Variants in LIPG observed in about 807,000 individuals in gnomAD.
The protein encoded by LIPG is endothelial lipase.
LIPG carries 34 observed loss-of-function variants against 51.8 expected under a neutral mutation model. The ratio of observed to expected loss-of-function variants is 0.66; its 90% confidence interval spans 0.50 to 0.87. LIPG has a LOEUF of 0.87. Ranked by LOEUF, LIPG falls within the 40% of genes least tolerant of loss-of-function variation. The pLI is 0.00. For synonymous variants in LIPG, 246 were observed against 246.1 expected, an observed-to-expected ratio of 1.00 and a Z score of 0.00; for missense variants, 580 against 652.7, an observed-to-expected ratio of 0.89 and a Z score of 1.21.
chr18:49,579,739 CCTTT>C lies in LIPG; in HGVS notation c.794-1670_794-1667del, dbSNP rs1218291080. 1.1e-3 allele frequency among the ~76,000 whole-genome samples: 158 copies of C among 144,358 alleles called. 3 individuals are homozygous for C. Among genetic ancestry groups the C allele is most frequent in the African/African-American group, 3.9e-3 (143 of 36,438 alleles). The allele number at this position is 144,358 out of a possible 152,430, so 94.7% of individuals were successfully genotyped here. The stretch of plus-strand genomic sequence containing the variant: ...CCCTCCTCAGAATATAGGATGATGG[CCTTT>C]CTTTCCTTTCCTTTCCTTTCCTTTC... On this transcript the variant is annotated intron_variant, in intron 5 of 9. Coordinates refer to ENST00000261292, the MANE Select transcript of LIPG (RefSeq NM_006033.4).
intron 4 of LIPG, 117 bp downstream of exon 4, chr18:49,569,665 T>C: frequency 1.1e-6 from 1 of 874,894 alleles, no homozygotes; most frequent in African/African-American, 1.7e-5. Flanking sequence ...CTGGAAAGCA[T>C]CTAATTCAAA....
At chr18:49,579,503 G>A (rs2084790886) in intron 5 of LIPG, among the ~76,000 whole-genome samples, 1 of 151,890 alleles carries the variant, frequency 6.6e-6, no homozygotes, top group African/African-American at 2.4e-5. Context: ...TGCTAAAACT[G>A]AGGTGTAGGG....
chr18:49,567,369 A>T, intron 2 of LIPG, 73 bp from the exon 3 acceptor site: 1 of 1,477,304 alleles, frequency 6.8e-7, no homozygotes, highest in Non-Finnish European at 9.3e-7. Context: ...AGAGGGTCAT[A>T]TAGAAAGGAA....
rs1357408655 is a variant in LIPG at position 49,596,053 on chromosome 18, G to A, written c.*5531G>A. The A allele has an allele frequency of 5.3e-5, 8 of 152,036 alleles. No individual in the cohort carries two copies. Among genetic ancestry groups the A allele is most frequent in the African/African-American group, 1.4e-4 (6 of 41,390 alleles). The allele number at this position is 152,036 out of a possible 1,614,324, so 9.4% of individuals were successfully genotyped here. ...GTACTATGCTTATTACCTGAGTGAC[G>A]AAATAATCTGTACAGCAAACTCCTG... is the stretch of plus-strand genomic sequence containing the variant. On this transcript the variant is annotated 3_prime_UTR_variant, in exon 10 of 10. Transcript: ENST00000261292.
Position 49,583,654 on chromosome 18 carries a change from C to T in LIPG, c.1256C>T (p.Ala419Val). 6.2e-7 allele frequency: 1 copy of T among 1,614,158 alleles called. No individual in the cohort carries two copies. Among genetic ancestry groups the T allele is most frequent in the Non-Finnish European group, 8.5e-7 (1 of 1,180,038 alleles). ...LLKIQLTWEG[A>V]SQSWYNLWKE... ...AAGATCCAGCTCACCTGGGAGGGGGCCTCTCAGTCTTGGTACAACCTGTGG... is the reference window on the plus strand; with the variant it reads ...AAGATCCAGCTCACCTGGGAGGGGGTCTCTCAGTCTTGGTACAACCTGTGG... The change falls in exon 8 of 10, where the codon GCC becomes GTC. Residue 419 changes from alanine (A) to valine (V), a missense_variant. Coordinates refer to ENST00000261292, the MANE Select transcript of LIPG (RefSeq NM_006033.4).
chr18:49,589,532 G>C (rs1463191410), intron 9 of LIPG: 2 of 152,394 alleles, frequency 1.3e-5, no homozygotes, highest in Non-Finnish European at 2.9e-5. Context: ...CATGATCACA[G>C]CTCATTGCAG....
chr18:49,590,472 A>G (rs2143984485), intron 9 of LIPG, 29 bp from the exon 10 acceptor site: 3 of 1,595,380 alleles, frequency 1.9e-6, no homozygotes, highest in South Asian at 2.3e-5. Flanking sequence ...GTGAGCTAAC[A>G]AATGCCACTC....
intron 4 of LIPG, among the ~76,000 whole-genome samples, chr18:49,574,674 G>C (rs1414043023): frequency 1.3e-5 from 2 of 152,084 alleles, no homozygotes; most frequent in African/African-American, 4.8e-5. Context: ...TCAAATATGA[G>C]AACCAGTGCT....
Position 49,569,472 on chromosome 18 carries a change from G to C in LIPG, c.495G>C (p.Leu165Phe), listed in dbSNP as rs2084640660. 6.2e-7 allele frequency: 1 copy of C among 1,614,100 alleles called. No homozygotes were observed. Among genetic ancestry groups the C allele is most frequent in the Non-Finnish European group, 8.5e-7 (1 of 1,180,052 alleles). The change falls in exon 4 of 10, where the codon TTG (leucine) becomes TTC (phenylalanine). Residue 165 changes from leucine to phenylalanine, a missense_variant. Transcript: ENST00000261292. ...KDDFSLGNVHLIGYSLGAHVA... is the reference protein window; with the variant it reads ...KDDFSLGNVHFIGYSLGAHVA... ...ATTTTTCTCTCGGGAATGTCCACTTGATCGGCTACAGCCTCGGAGCGCACG... is the reference window on the plus strand; with the variant it reads ...ATTTTTCTCTCGGGAATGTCCACTTCATCGGCTACAGCCTCGGAGCGCACG...
At chr18:49,573,681 C>T (rs1281538031) in intron 4 of LIPG, among the ~76,000 whole-genome samples, 2 of 152,136 alleles carry the variant, frequency 1.3e-5, no homozygotes, top group African/African-American at 2.4e-5. Flanking sequence ...GCAAGTTGAC[C>T]GTCCACTCTA....
chr18:49,587,568 CAA>C (rs34734805), intron 9 of LIPG, among the ~76,000 whole-genome samples: 7 of 42,308 alleles, frequency 1.7e-4, no homozygotes, highest in South Asian at 1.5e-3. Context: ...GACTCCGTCT[CAA>C]AAAAAAAAAA....
At position 49,575,527 on chromosome 18, in the gene LIPG, A is replaced by C; in HGVS notation, c.730A>C (p.Asn244His). Residue 244 changes from asparagine (N) to histidine (H), a missense_variant, in exon 5 of 10, where the codon AAT becomes CAT. Coordinates refer to ENST00000261292, the MANE Select transcript of LIPG (RefSeq NM_006033.4). Reference protein sequence around the residue: ...MPVGHIDIYPNGGDFQPGCGL... With the variant: ...MPVGHIDIYPHGGDFQPGCGL... ...TGTGGGCCACATTGACATCTACCCC[A>C]ATGGGGGTGACTTCCAGCCAGGCTG... 1 of 1,614,186 alleles carries C rather than the reference A, an allele frequency of 6.2e-7. No individual in the cohort carries two copies. The highest frequency in any genetic ancestry group is 8.5e-7 in the Non-Finnish European group (1 of 1,180,026).
intron 5 of LIPG, among the ~76,000 whole-genome samples, chr18:49,578,344 G>A (rs1398063006): frequency 1.5e-5 from 2 of 137,280 alleles, no homozygotes; most frequent in East Asian, 2.2e-4. Context: ...CCTCCCAGAC[G>A]GGGTCTCGGC....
chr18:49,561,937 G>C (rs778727877), upstream of LIPG: 156 of 1,335,474 alleles, frequency 1.2e-4, no homozygotes, highest in Non-Finnish European at 1.4e-4. Flanking sequence ...TCTCGGTTCC[G>C]GCGTCAGCAA....
Position 49,567,563 on chromosome 18 carries a change from C to A in LIPG, c.401C>A (p.Ala134Glu). ...LPLAHQLYTD[A>E]VNNTRVVGHS... Reference sequence around the variant, plus strand: ...CTGGCCCACCAGCTTTACACGGATGCGGTCAATAATACCAGGGTGGTGGGA... The same window carrying A: ...CTGGCCCACCAGCTTTACACGGATGAGGTCAATAATACCAGGGTGGTGGGA... Residue 134 changes from alanine (A) to glutamate (E), a missense_variant, in exon 3 of 10, where the codon GCG becomes GAG. Coordinates refer to ENST00000261292, the MANE Select transcript of LIPG (RefSeq NM_006033.4). The A allele has an allele frequency of 6.2e-7, 1 of 1,614,092 alleles. No homozygotes were observed. The highest frequency in any genetic ancestry group is 8.5e-7 in the Non-Finnish European group (1 of 1,180,020).
chr18:49,575,672 G>C (rs1001174069), intron 5 of LIPG, 82 bp downstream of exon 5: 6 of 1,101,084 alleles, frequency 5.4e-6, no homozygotes, highest in Non-Finnish European at 6.7e-6. Flanking sequence ...TAGCACTGCA[G>C]GCACTATTTA....
rs181205798 is a variant in LIPG, at chr18:49,594,863, G to A, written c.*4341G>A. ...AGTTCTTAACTTGGTTCAGATGTCA[G>A]AGGAAAGCAGAAAATGGTGTCTCTG... On this transcript the variant is annotated 3_prime_UTR_variant, in exon 10 of 10. Transcript: ENST00000261292. 1 of 152,354 alleles carries A rather than the reference G, an allele frequency of 6.6e-6. No homozygotes were observed. The highest frequency in any genetic ancestry group is 1.9e-4 in the East Asian group (1 of 5,190). The allele number at this position is 152,354 out of a possible 1,614,324, so 9.4% of individuals were successfully genotyped here. A position where few individuals can be genotyped will look rare whatever the true frequency, so the allele number is the denominator to read the frequency against.
At chr18:49,573,343 A>G (rs953020953) in intron 4 of LIPG, among the ~76,000 whole-genome samples, 2 of 152,158 alleles carry the variant, frequency 1.3e-5, no homozygotes, top group Non-Finnish European at 2.9e-5. Context: ...CTTTTGTGCC[A>G]TCTTTCTTTT....
intron 4 of LIPG, among the ~76,000 whole-genome samples, chr18:49,571,536 CT>C: frequency 6.6e-6 from 1 of 152,182 alleles, no homozygotes; most frequent in Non-Finnish European, 1.5e-5. Flanking sequence ...AGCATGGTCC[CT>C]TCCCTCTGGC....
Sources: allele counts gnomAD v4.1 joint callset (sites outside exome capture counted in the v4.1 genomes callset), GRCh38; gene constraint gnomAD v4.1.1; transcripts MANE v1.5; gene names NCBI Gene and HGNC (gene_info 2026-07-23, HGNC 2026-07-21).